Variants in OR2L2 observed in about 807,000 individuals in gnomAD.
The protein encoded by OR2L2 is olfactory receptor 2L2.
For missense variants in OR2L2, 378 were observed against 375.2 expected, an observed-to-expected ratio of 1.01 and a Z score of -0.06; for synonymous variants, 156 against 135.4, an observed-to-expected ratio of 1.15 and a Z score of -1.06.
chr1:248,033,329 A>G (rs1279123528), intron 1 of OR2L2, among the ~76,000 whole-genome samples: 1 of 152,214 alleles, frequency 6.6e-6, no homozygotes, highest in Non-Finnish European at 1.5e-5. Flanking sequence ...CGTTTGTTGA[A>G]AAGACTGTCC....
intron 1 of OR2L2, among the ~76,000 whole-genome samples, chr1:248,034,372 C>T (rs908384743): frequency 3.3e-5 from 5 of 152,016 alleles, no homozygotes; most frequent in East Asian, 3.9e-4. Flanking sequence ...AATCTGGAGG[C>T]GTTTGGTAAG....
Position 248,040,602 on chromosome 1 carries a change from CT to C in OR2L2, c.*1397del, listed in dbSNP as rs1340016984. 8 of 152,326 alleles carry C rather than the reference CT, an allele frequency of 5.3e-5. No homozygotes were observed. The East Asian group carries it at 1.5e-3, about 29-fold the overall frequency. The allele number at this position is 152,326 out of a possible 1,614,324, so 9.4% of individuals were successfully genotyped here. ...CCTAAATAAATAGTAAACATATTTT[CT>C]CTTTCTGATGATTTTCTCAATAAGA... is the stretch of plus-strand genomic sequence containing the variant. On this transcript the variant is annotated 3_prime_UTR_variant, in exon 3 of 3. Coordinates refer to ENST00000641771, the MANE Select transcript of OR2L2 (RefSeq NM_001385855.1).
chr1:248,038,599 G>C lies in OR2L2; in HGVS notation c.332G>C (p.Gly111Ala), dbSNP rs148558809. ...TTCTTGACTTTAGCAGTTGCAGAAG[G>C]GCTGCTCCTGACATCAATGGCCTAT... ...FFFLTLAVAE[G>A]LLLTSMAYDR... Residue 111 changes from glycine to alanine, a missense_variant, in exon 3 of 3, where the codon GGG (glycine) becomes GCG (alanine). Physicochemically the swap from Gly to Ala is moderately conservative, Grantham distance 60. Transcript: ENST00000641771. 6.9e-5 allele frequency: 111 copies of C among 1,613,946 alleles called. No homozygotes were observed. Among genetic ancestry groups the C allele is most frequent in the Non-Finnish European group, 8.8e-5 (104 of 1,179,986 alleles).
intron 2 of OR2L2, among the ~76,000 whole-genome samples, chr1:248,036,301 T>C (rs1409275294): frequency 6.6e-6 from 1 of 152,214 alleles, no homozygotes; most frequent in African/African-American, 2.4e-5. Flanking sequence ...TTTCATTTAA[T>C]GCGGTATCAA....
chr1:248,035,466 T>G (rs765948564), intron 1 of OR2L2, 84 bp from the exon 2 acceptor site: 1 of 151,658 alleles, frequency 6.6e-6, no homozygotes, highest in Non-Finnish European at 1.5e-5. Flanking sequence ...AAAAAAAAAG[T>G]GTCAGTCTCA....
intron 1 of OR2L2, among the ~76,000 whole-genome samples, chr1:248,034,972 C>T (rs999029314): frequency 6.6e-6 from 1 of 151,462 alleles, no homozygotes; most frequent in Non-Finnish European, 1.5e-5. Flanking sequence ...AGGTTTTCTA[C>T]ACATATAGTT....
At chr1:248,037,879 G>T (rs145826314) in intron 2 of OR2L2, among the ~76,000 whole-genome samples, 257 of 152,212 alleles carry the variant, frequency 1.7e-3, no homozygotes, top group Admixed American at 3.9e-3. Context: ...TGCCTACCTT[G>T]TTCTCCTCAC....
Position 248,039,252 on chromosome 1 carries a change from T to C in OR2L2, c.*46T>C, listed in dbSNP as rs758263670. 28 of 1,541,766 alleles carry C rather than the reference T, an allele frequency of 1.8e-5. No individual in the cohort carries two copies. Among genetic ancestry groups the C allele is most frequent in the East Asian group, 6.7e-5 (3 of 44,600 alleles). ...TCAAAGCGCTAGGTTCATATCAACT[T>C]AGTAGTGTACAGCAGTGAAGAAAAA... On this transcript the variant is annotated 3_prime_UTR_variant, in exon 3 of 3. Transcript: ENST00000641771.
At chr1:248,033,240 T>C in intron 1 of OR2L2, among the ~76,000 whole-genome samples, 1 of 152,306 alleles carries the variant, frequency 6.6e-6, no homozygotes, top group Non-Finnish European at 1.5e-5. Context: ...TGATTTATTT[T>C]GACTTAATTT....
chr1:248,037,380 C>A (rs1662793214), intron 2 of OR2L2, among the ~76,000 whole-genome samples: 1 of 152,056 alleles, frequency 6.6e-6, no homozygotes, highest in Non-Finnish European at 1.5e-5. Flanking sequence ...CTAATTTATT[C>A]ATAATATGGA....
At chr1:248,032,318 T>C (rs1662640023) in intron 1 of OR2L2, among the ~76,000 whole-genome samples, 1 of 152,176 alleles carries the variant, frequency 6.6e-6, no homozygotes. Flanking sequence ...TCTTATTTCA[T>C]ACATGAGATA....
intron 1 of OR2L2, among the ~76,000 whole-genome samples, chr1:248,031,365 C>G (rs1423127581): frequency 6.6e-6 from 1 of 152,200 alleles, no homozygotes; most frequent in Non-Finnish European, 1.5e-5. Context: ...CCCCTCAGCA[C>G]TTGTAAAGTC....
chr1:248,031,525 A>G (rs147972731), intron 1 of OR2L2, among the ~76,000 whole-genome samples: 3 of 152,276 alleles, frequency 2.0e-5, no homozygotes, highest in African/African-American at 4.8e-5. Flanking sequence ...GGTGTGAATG[A>G]CATGCAGGGG....
At chr1:248,033,275 C>T (rs1347012371) in intron 1 of OR2L2, among the ~76,000 whole-genome samples, 1 of 152,090 alleles carries the variant, frequency 6.6e-6, no homozygotes, top group African/African-American at 2.4e-5. Flanking sequence ...AAGTAAGCAT[C>T]CAATTTCAAT....
At chr1:248,035,846 C>A (rs1383365284) in intron 2 of OR2L2, among the ~76,000 whole-genome samples, 1 of 152,086 alleles carries the variant, frequency 6.6e-6, no homozygotes, top group Non-Finnish European at 1.5e-5. Context: ...CACTTTATAT[C>A]TGCAGTAAGG....
intron 1 of OR2L2, among the ~76,000 whole-genome samples, chr1:248,035,121 G>A (rs2103092332): frequency 6.7e-6 from 1 of 149,776 alleles, no homozygotes; most frequent in East Asian, 2.0e-4. Flanking sequence ...CCGTGAAAGT[G>A]GACATTTTTG....
rs1251014954 is a variant in OR2L2 at position 248,039,733 on chromosome 1, C to T, written c.*527C>T. On this transcript the variant is annotated 3_prime_UTR_variant, in exon 3 of 3. Transcript: ENST00000641771. Reference sequence around the variant, plus strand: ...AATTACATAATAGTTGTTTATCTCCCATTATTATAAAAATAAGACAAAAAT... The same window carrying T: ...AATTACATAATAGTTGTTTATCTCCTATTATTATAAAAATAAGACAAAAAT... 2 of 152,022 alleles carry T rather than the reference C, an allele frequency of 1.3e-5. No homozygotes were observed. The highest frequency in any genetic ancestry group is 2.9e-5 in the Non-Finnish European group (2 of 68,030). The allele number at this position is 152,022 out of a possible 1,614,324, so 9.4% of individuals were successfully genotyped here. A position where few individuals can be genotyped will look rare whatever the true frequency, so the allele number is the denominator to read the frequency against.
Position 248,041,104 on chromosome 1 carries a change from A to G in OR2L2, c.*1898A>G, listed in dbSNP as rs1572692467. The G allele has an allele frequency of 6.6e-6, 1 of 152,214 alleles. No individual in the cohort carries two copies. The highest frequency in any genetic ancestry group is 2.1e-4 in the South Asian group (1 of 4,832). 9.4% of individuals were successfully genotyped at this position (152,214 alleles called of 1,614,324 possible). A position where few individuals can be genotyped will look rare whatever the true frequency, so the allele number is the denominator to read the frequency against. The stretch of plus-strand genomic sequence containing the variant: ...GGTAGTAGTTGCCTGATGTTGAAAG[A>G]TTTACCTAATCTCACATAAATAACC... On this transcript the variant is annotated 3_prime_UTR_variant, in exon 3 of 3. Transcript: ENST00000641771.
intron 2 of OR2L2, among the ~76,000 whole-genome samples, chr1:248,036,162 G>A (rs1045077862): frequency 2.0e-5 from 3 of 151,934 alleles, no homozygotes; most frequent in Admixed American, 6.6e-5. Context: ...TATTTGCTAT[G>A]TGCATTTCTG....
Sources: gnomAD v4.1 joint callset for allele counts (sites outside exome capture counted in the v4.1 genomes callset) on GRCh38, gnomAD v4.1.1 for gene constraint, MANE v1.5 for transcripts, NCBI Gene and HGNC (gene_info 2026-07-23, HGNC 2026-07-21) for gene names.